ACACA: variants seen among roughly 807,000 people sequenced by gnomAD.
ACACA encodes the protein acetyl-CoA carboxylase alpha, also known as acetyl-CoA carboxylase 1.
ACACA carries 103 observed loss-of-function variants against 296.1 expected under a neutral mutation model. The ratio of observed to expected loss-of-function variants is 0.35; its 90% CI spans 0.30 to 0.41. The LOEUF is 0.41. Ranked by LOEUF, ACACA falls within the 10% of genes least tolerant of loss-of-function variation. The pLI is 1.00. For synonymous variants in ACACA, 953 were observed against 1,038.6 expected, an observed-to-expected ratio of 0.92 and a Z score of 1.58; for missense variants, 1,554 against 2,989.7, an observed-to-expected ratio of 0.52 and a Z score of 11.20.
Position 37,088,949 on chromosome 17 carries a change from C to T in ACACA, c.7017G>A (p.Lys2339=). The part of the protein sequence containing the change: ...IKCISRDYVL[K]QIRSLVQANP... ...CACGTTGGTCTCACCTGCGGATTTG[C>T]TTGAGGACGTAGTCTCTGCTGATGC... Residue 2339 remains lysine, a synonymous_variant, in exon 55 of 56, where the codon AAG becomes AAA. Coordinates refer to ENST00000616317, the MANE Select transcript of ACACA (RefSeq NM_198834.3). 6.2e-7 allele frequency: 1 copy of T among 1,614,220 alleles called. No individual in the cohort carries two copies. Among genetic ancestry groups the T allele is most frequent in the Non-Finnish European group, 8.5e-7 (1 of 1,180,038 alleles).
At chr17:37,092,422 A>C (rs1366097212) in intron 54 of ACACA, among the ~76,000 whole-genome samples, 1 of 152,188 alleles carries the variant, frequency 6.6e-6, no homozygotes, top group Non-Finnish European at 1.5e-5. Context: ...AGAACATTTT[A>C]TCAATAAAAT....
chr17:37,346,247 G>A (rs1032352167), intron 1 of ACACA, among the ~76,000 whole-genome samples: 1 of 151,224 alleles, frequency 6.6e-6, no homozygotes, highest in Non-Finnish European at 1.5e-5. Context: ...AACCCAGGAG[G>A]CGGAGGTTGC....
At chr17:37,293,124 A>T (rs1166865246) in intron 3 of ACACA, among the ~76,000 whole-genome samples, 2 of 152,214 alleles carry the variant, frequency 1.3e-5, no homozygotes, top group Non-Finnish European at 2.9e-5. Context: ...AAATTTCTCC[A>T]GTTCTCTATC....
chr17:37,321,455 A>T (rs1388804068), intron 3 of ACACA, among the ~76,000 whole-genome samples: 2 of 152,106 alleles, frequency 1.3e-5, no homozygotes, highest in Non-Finnish European at 2.9e-5. Context: ...TCTCTACTAA[A>T]ACTACAAAAC....
chr17:37,112,116 G>A (rs2074008372), intron 51 of ACACA, among the ~76,000 whole-genome samples: 1 of 150,112 alleles, frequency 6.7e-6, no homozygotes, highest in Admixed American at 6.6e-5. Flanking sequence ...CAGTCTGCTT[G>A]TAGGACACTG....
intron 26 of ACACA, 152 bp downstream of exon 26, chr17:37,226,187 C>A: frequency 4.0e-6 from 3 of 755,506 alleles, no homozygotes; most frequent in Non-Finnish European, 7.2e-6. Context: ...AAAAACATAC[C>A]ACATGAAAAC....
At chr17:37,281,463 T>C (rs1211083113) in intron 5 of ACACA, among the ~76,000 whole-genome samples, 1 of 152,216 alleles carries the variant, frequency 6.6e-6, no homozygotes, top group Non-Finnish European at 1.5e-5. Flanking sequence ...CCTCATTGTA[T>C]TGAAATCATT....
chr17:37,235,594 A>G (rs2080072538), intron 24 of ACACA, among the ~76,000 whole-genome samples: 1 of 152,202 alleles, frequency 6.6e-6, no homozygotes, highest in Non-Finnish European at 1.5e-5. Context: ...TGACTTGCAG[A>G]AAATAGTTGA....
chr17:37,197,653 C>T (rs1254355691), intron 35 of ACACA, among the ~76,000 whole-genome samples: 2 of 152,210 alleles, frequency 1.3e-5, no homozygotes, highest in Admixed American at 6.5e-5. Flanking sequence ...AGCAGCACCA[C>T]GACAGTGACC....
chr17:37,176,202 G>A (rs1238240604), intron 41 of ACACA, among the ~76,000 whole-genome samples: 3 of 152,118 alleles, frequency 2.0e-5, no homozygotes, highest in Non-Finnish European at 4.4e-5. Flanking sequence ...AACTCTGAAG[G>A]AATCTCTCAT....
At chr17:37,134,652 C>T (rs2075258041) in intron 45 of ACACA, among the ~76,000 whole-genome samples, 1 of 152,124 alleles carries the variant, frequency 6.6e-6, no homozygotes, top group Non-Finnish European at 1.5e-5. Context: ...GTCTTTTCCC[C>T]CTCTTTAAAC....
At chr17:37,258,070 C>T in intron 13 of ACACA, 142 bp downstream of exon 13, 2 of 1,183,346 alleles carry the variant, frequency 1.7e-6, no homozygotes, top group African/African-American at 1.5e-5. Flanking sequence ...AAGCAACAAC[C>T]ATTTACTTAT....
intron 50 of ACACA, among the ~76,000 whole-genome samples, chr17:37,115,947 G>C (rs940465120): frequency 1.3e-5 from 2 of 151,876 alleles, no homozygotes; most frequent in Admixed American, 6.5e-5. Context: ...TCTAGATCTT[G>C]TTGGCCCTAA....
intron 1 of ACACA, among the ~76,000 whole-genome samples, chr17:37,393,797 G>A (rs1183818957): frequency 1.3e-5 from 2 of 151,062 alleles, no homozygotes; most frequent in Non-Finnish European, 2.9e-5. Flanking sequence ...CAGCCTGGGT[G>A]ACAGAGCGAG....
Position 37,263,766 on chromosome 17 carries a change from A to T in ACACA, c.1248T>A (p.Ser416=). 1 of 1,614,150 alleles carries T rather than the reference A, an allele frequency of 6.2e-7. No individual in the cohort carries two copies. Among genetic ancestry groups the T allele is most frequent in the Non-Finnish European group, 8.5e-7 (1 of 1,180,002 alleles). ...NAISLFGRDC[S]VQRRHQKIIE... ...TAATCTTCTGATGCCTGCGTTGTAC[A>T]GAGCAATCACGACCAAACAAAGAGA... Residue 416 remains serine, a synonymous_variant, in exon 11 of 56, where the codon TCT becomes TCA. Coordinates refer to ENST00000616317, the MANE Select transcript of ACACA (RefSeq NM_198834.3).
chr17:37,281,769 G>C (rs1223743573), intron 5 of ACACA, among the ~76,000 whole-genome samples: 2 of 152,172 alleles, frequency 1.3e-5, no homozygotes, highest in Non-Finnish European at 2.9e-5. Context: ...GGGAGGCTGA[G>C]ACAGAAGAAT....
intron 28 of ACACA, among the ~76,000 whole-genome samples, chr17:37,222,421 T>C (rs2079339655): frequency 6.6e-6 from 1 of 152,122 alleles, no homozygotes; most frequent in South Asian, 2.1e-4. Context: ...ATATCTCAAA[T>C]ACTTGAACTT....
intron 16 of ACACA, 136 bp downstream of exon 16, chr17:37,251,869 C>T: frequency 1.2e-6 from 1 of 839,158 alleles, no homozygotes; most frequent in African/African-American, 1.7e-5. Context: ...TCTTTCTTGC[C>T]ACCATGGTCC....
Position 37,113,097 on chromosome 17 carries a change from CG to C in ACACA, c.6442del (p.Arg2148GlufsTer14). ...GTGGAAGGCACGCTACCTGCTTTCT[CG>C]GTCAGCATACATCTCCATGTGCCGG... Reference protein sequence around the residue: ...NPRHMEMYADRESRGSVLEPE... With the variant: ...NPRHMEMYADXESRGSVLEPE... On this transcript the variant is annotated frameshift_variant, in exon 51 of 56. Coordinates refer to ENST00000616317, the MANE Select transcript of ACACA (RefSeq NM_198834.3). LOFTEE classifies it high-confidence loss of function. The surrounding 1 kb of genome is among the most constrained non-coding windows in gnomAD (Gnocchi z 4.0). 1 of 1,614,142 alleles carries C rather than the reference CG, an allele frequency of 6.2e-7. No homozygotes were observed. The highest frequency in any genetic ancestry group is 8.5e-7 in the Non-Finnish European group (1 of 1,180,034).
Sources: allele counts gnomAD v4.1 joint callset (sites outside exome capture counted in the v4.1 genomes callset), GRCh38; gene constraint gnomAD v4.1.1; non-coding constraint Gnocchi (gnomAD v3.1); transcripts MANE v1.5; gene names NCBI Gene and HGNC (gene_info 2026-07-23, HGNC 2026-07-21).